The following TCF12 variants were observed in gnomAD, a reference collection of about 807,000 sequenced individuals.
The protein encoded by TCF12 is DNA-binding protein HTF4.
In TCF12, 45 loss-of-function variants were observed where a neutral mutation model predicts 86.0. That is an observed-to-expected ratio of 0.52 (90% CI 0.41 to 0.67). The LOEUF (loss-of-function observed/expected upper bound fraction) is 0.67, where lower values mean the gene tolerates loss of function less well. TCF12 is among the 30% of genes least tolerant of loss of function. TCF12 has a pLI of 0.00. For missense variants in TCF12, 881 were observed against 859.9 expected, an observed-to-expected ratio of 1.02 and a Z score of -0.31; for synonymous variants, 330 against 299.6, an observed-to-expected ratio of 1.10 and a Z score of -1.05.
At chr15:57,077,531 A>T (rs945464575) in intron 4 of TCF12, among the ~76,000 whole-genome samples, 17 of 151,610 alleles carry the variant, frequency 1.1e-4, no homozygotes, top group Admixed American at 1.1e-3. Flanking sequence ...ATTTTTGATG[A>T]TGTTATAAGT....
intron 4 of TCF12, among the ~76,000 whole-genome samples, chr15:57,066,556 T>C (rs1484935494): frequency 6.6e-6 from 1 of 152,110 alleles, no homozygotes; most frequent in Non-Finnish European, 1.5e-5. Context: ...TTCAGTAACA[T>C]CACTAAATAG....
At chr15:57,096,393 T>C (rs2151142964) in intron 5 of TCF12, among the ~76,000 whole-genome samples, 1 of 151,946 alleles carries the variant, frequency 6.6e-6, no homozygotes, top group East Asian at 1.9e-4. Flanking sequence ...TTCTGGTTAT[T>C]TAAAGGAAAA....
At chr15:57,070,247 A>G (rs1201446511) in intron 4 of TCF12, among the ~76,000 whole-genome samples, 2 of 152,124 alleles carry the variant, frequency 1.3e-5, no homozygotes, top group Non-Finnish European at 2.9e-5. Context: ...TTGTTTCAAT[A>G]CATGCTATGA....
chr15:57,207,733 C>T (rs186605502), intron 8 of TCF12, among the ~76,000 whole-genome samples: 1 of 152,162 alleles, frequency 6.6e-6, no homozygotes. Flanking sequence ...AGTTTTCTGA[C>T]TTGAGCTTGA....
chr15:57,122,367 G>A (rs770617409), intron 5 of TCF12, among the ~76,000 whole-genome samples: 14 of 152,042 alleles, frequency 9.2e-5, no homozygotes, highest in Non-Finnish European at 2.1e-4. Flanking sequence ...GAAAGACAAT[G>A]TAATTCTCAT....
chr15:57,082,738 A>G (rs539652621), intron 4 of TCF12, among the ~76,000 whole-genome samples: 1 of 152,328 alleles, frequency 6.6e-6, no homozygotes, highest in East Asian at 1.9e-4. Context: ...TTTCTATTCT[A>G]GAGAACAGTT....
intron 6 of TCF12, among the ~76,000 whole-genome samples, chr15:57,174,061 A>G (rs748948041): frequency 6.6e-6 from 1 of 152,208 alleles, no homozygotes; most frequent in Non-Finnish European, 1.5e-5. Flanking sequence ...CAAAGAAAGC[A>G]TAAGGGTCAT....
intron 3 of TCF12, among the ~76,000 whole-genome samples, chr15:57,017,295 T>C (rs904377767): frequency 3.9e-5 from 6 of 152,220 alleles, no homozygotes; most frequent in African/African-American, 1.4e-4. Context: ...AGCAATGCCA[T>C]TTAAATGTAT....
intron 12 of TCF12, among the ~76,000 whole-genome samples, chr15:57,240,894 A>AAAAG (rs1555405712): frequency 6.6e-6 from 1 of 150,960 alleles, no homozygotes; most frequent in Non-Finnish European, 1.5e-5. Context: ...AAAAAAAAAA[A>AAAAG]AAAAAAAGAA....
At chr15:57,028,941 G>A (rs1201685787) in intron 3 of TCF12, among the ~76,000 whole-genome samples, 6 of 151,986 alleles carry the variant, frequency 3.9e-5, no homozygotes, top group Non-Finnish European at 7.4e-5. Flanking sequence ...GGAATTACAG[G>A]TGTGCGCCAC....
chr15:57,234,181 A>G (rs2733319), intron 12 of TCF12, 74 bp downstream of exon 12: 3 of 1,150,476 alleles, frequency 2.6e-6, no homozygotes, highest in African/African-American at 3.1e-5. Flanking sequence ...TTTGTAGGTG[A>G]TAAGTATCTA....
chr15:57,164,914 C>G (rs1228807085), intron 5 of TCF12, among the ~76,000 whole-genome samples: 4 of 152,168 alleles, frequency 2.6e-5, no homozygotes, highest in Non-Finnish European at 5.9e-5. Flanking sequence ...CTCCTGACCT[C>G]AGGTTATCCG....
chr15:57,138,454 G>A (rs1345816079), intron 5 of TCF12, among the ~76,000 whole-genome samples: 1 of 152,130 alleles, frequency 6.6e-6, no homozygotes, highest in South Asian at 2.1e-4. Flanking sequence ...GGTTTGCCTG[G>A]GGAGTCTGCT....
At chr15:57,115,642 A>C (rs1330319540) in intron 5 of TCF12, among the ~76,000 whole-genome samples, 1 of 152,094 alleles carries the variant, frequency 6.6e-6, no homozygotes, top group Non-Finnish European at 1.5e-5. Context: ...TCCATTAGTG[A>C]TTGATTTGGG....
At chr15:56,998,544 G>A (rs1356111012) in intron 3 of TCF12, among the ~76,000 whole-genome samples, 1 of 150,564 alleles carries the variant, frequency 6.6e-6, no homozygotes, top group East Asian at 1.9e-4. Context: ...CCCAATAATA[G>A]CAGAATATAC....
chr15:57,013,310 T>C (rs2064950501), intron 3 of TCF12, among the ~76,000 whole-genome samples: 1 of 152,170 alleles, frequency 6.6e-6, no homozygotes, highest in African/African-American at 2.4e-5. Flanking sequence ...ATTGCCACAA[T>C]TGAAGCATTT....
intron 8 of TCF12, among the ~76,000 whole-genome samples, chr15:57,202,595 C>A (rs771830769): frequency 4.6e-5 from 7 of 151,968 alleles, no homozygotes; most frequent in Non-Finnish European, 8.8e-5. Context: ...ACCACCACAC[C>A]CGGCTAATTT....
At chr15:57,174,542 A>T (rs1199908876) in intron 6 of TCF12, among the ~76,000 whole-genome samples, 3 of 152,232 alleles carry the variant, frequency 2.0e-5, no homozygotes, top group Non-Finnish European at 4.4e-5. Flanking sequence ...TGTTTTGGCC[A>T]GTGTATGAGG....
At chr15:57,004,102 T>C (rs946170230) in intron 3 of TCF12, among the ~76,000 whole-genome samples, 2 of 152,194 alleles carry the variant, frequency 1.3e-5, no homozygotes, top group African/African-American at 4.8e-5. Context: ...CTTTAAGTTA[T>C]GATAAACTTT....
Sources: allele counts gnomAD v4.1 joint callset (sites outside exome capture counted in the v4.1 genomes callset), GRCh38; gene constraint gnomAD v4.1.1; transcripts MANE v1.5; gene names NCBI Gene and HGNC (gene_info 2026-07-23, HGNC 2026-07-21).